MED15: variants seen among roughly 807,000 people sequenced by gnomAD.
The protein encoded by MED15 is mediator of RNA polymerase II transcription subunit 15.
In MED15, 41 loss-of-function variants were observed where a neutral mutation model predicts 118.7. That is an observed-to-expected ratio of 0.35 (90% confidence interval 0.27 to 0.45). MED15 has a LOEUF of 0.45. Among genes scored for constraint, MED15 ranks in the 20% least tolerant of loss-of-function variants. The pLI, the probability that MED15 is intolerant of heterozygous loss-of-function variation, is 1.00. For missense variants in MED15, 740 were observed against 1,025.5 expected, an observed-to-expected ratio of 0.72 and a Z score of 3.80; for synonymous variants, 436 against 413.9, an observed-to-expected ratio of 1.05 and a Z score of -0.65.
chr22:20,559,889 G>T (rs887243481), intron 5 of MED15, among the ~76,000 whole-genome samples: 6 of 152,036 alleles, frequency 3.9e-5, no homozygotes, highest in Admixed American at 3.3e-4. Flanking sequence ...TCCCTCTCAG[G>T]TGATACAAGG....
intron 1 of MED15, among the ~76,000 whole-genome samples, chr22:20,528,041 G>A (rs564990434): frequency 9.5e-4 from 144 of 151,528 alleles, no homozygotes; most frequent in African/African-American, 3.2e-3. Flanking sequence ...TTACAGGTGC[G>A]AACCACTGCA....
At chr22:20,579,980 G>T (rs139733628) in intron 9 of MED15, among the ~76,000 whole-genome samples, 2 of 151,970 alleles carry the variant, frequency 1.3e-5, no homozygotes, top group South Asian at 2.1e-4. Flanking sequence ...ATGAGTCTTT[G>T]GGGGGCTGCT....
chr22:20,538,370 C>G (rs923904722), intron 2 of MED15, among the ~76,000 whole-genome samples: 21 of 152,046 alleles, frequency 1.4e-4, no homozygotes, highest in Non-Finnish European at 2.6e-4. Context: ...CTTTCTCAGT[C>G]TTCTGAGTAG....
rs185214208 is a variant in MED15, at chr22:20,528,160, C to T, written c.69-8957C>T. Among the ~76,000 whole-genome samples, 687 of 152,130 alleles carry T rather than the reference C, an allele frequency of 4.5e-3. 8 individuals carry two copies. The highest frequency in any genetic ancestry group is 0.016 in the African/African-American group (663 of 41,488). On this transcript the variant is annotated intron_variant, in intron 1 of 17. Transcript: ENST00000263205. ...TGGCCATGTTATGGCGTCTGGCTGCCCTTGGCTGGTTGCTCACTCTGAGAG... is the reference window on the plus strand; with the variant it reads ...TGGCCATGTTATGGCGTCTGGCTGCTCTTGGCTGGTTGCTCACTCTGAGAG...
At chr22:20,531,550 G>A (rs902785010) in intron 1 of MED15, among the ~76,000 whole-genome samples, 16 of 152,172 alleles carry the variant, frequency 1.1e-4, no homozygotes, top group African/African-American at 3.1e-4. Flanking sequence ...CCCAGCACAC[G>A]CCTTCTCCCA....
chr22:20,583,434 C>T (rs1443185387), intron 13 of MED15, 41 bp downstream of exon 13: 1 of 1,606,262 alleles, frequency 6.2e-7, no homozygotes, highest in Non-Finnish European at 8.5e-7. Flanking sequence ...CACAAGGGCA[C>T]AGATAGCCCA....
chr22:20,523,357 T>A (rs1347536811), intron 1 of MED15, among the ~76,000 whole-genome samples: 2 of 151,672 alleles, frequency 1.3e-5, no homozygotes, highest in African/African-American at 4.9e-5. Context: ...TCCTTTTTTT[T>A]TAAAAAAAAA....
intron 5 of MED15, among the ~76,000 whole-genome samples, chr22:20,561,381 A>G (rs960029556): frequency 2.0e-5 from 3 of 152,050 alleles, no homozygotes; most frequent in African/African-American, 7.2e-5. Context: ...TTAGCTGGGC[A>G]TGGTGGCGCA....
chr22:20,572,935 G>C (rs2056712122), intron 8 of MED15, among the ~76,000 whole-genome samples: 2 of 150,876 alleles, frequency 1.3e-5, no homozygotes, highest in Admixed American at 1.3e-4. Context: ...CTTTAAAAAA[G>C]CAAGAAACAG....
chr22:20,564,168 T>C (rs900187049), intron 5 of MED15, among the ~76,000 whole-genome samples: 4 of 152,240 alleles, frequency 2.6e-5, no homozygotes, highest in Non-Finnish European at 4.4e-5. Flanking sequence ...AGGAGATTAC[T>C]GATTGCCAGA....
At chr22:20,517,495 C>T (rs2054295119) in intron 1 of MED15, among the ~76,000 whole-genome samples, 1 of 152,166 alleles carries the variant, frequency 6.6e-6, no homozygotes, top group Admixed American at 6.6e-5. Context: ...GGAGACTGGG[C>T]CTTCTGCTGC....
intron 16 of MED15, 76 bp downstream of exon 16, chr22:20,585,343 C>T (rs1308497240): frequency 1.9e-6 from 3 of 1,549,486 alleles, no homozygotes; most frequent in Non-Finnish European, 2.6e-6. Flanking sequence ...CCATCCAAGC[C>T]AGATGGCACA....
intron 2 of MED15, among the ~76,000 whole-genome samples, chr22:20,550,356 TTTC>T (rs2055720697): frequency 6.6e-6 from 1 of 152,208 alleles, no homozygotes. Flanking sequence ...CCCCTGGGCC[TTTC>T]TTCTTCATGT....
chr22:20,557,019 G>C (rs1245449784), intron 5 of MED15, among the ~76,000 whole-genome samples: 1 of 152,126 alleles, frequency 6.6e-6, no homozygotes, highest in Non-Finnish European at 1.5e-5. Context: ...AGGACATTTG[G>C]GTTGTTTCCT....
In MED15 at chr22:20,575,321, C is replaced by T. The variant is rs530482311; in HGVS notation, c.1272+89C>T. 2.8e-5 allele frequency: 42 copies of T among 1,476,454 alleles called. No homozygotes were observed. In the East Asian group the frequency reaches 7.2e-4, roughly 25 times the overall value. 91.5% of individuals were successfully genotyped at this position (1,476,454 alleles called of 1,614,324 possible). ...AAAGCGCACCTGTCATTATCATCGC[C>T]GGTGACTTCTTTTATGGTGGCTTTC... On this transcript the variant is annotated intron_variant, in intron 9 of 17. Coordinates refer to ENST00000263205, the MANE Select transcript of MED15 (RefSeq NM_001003891.3).
rs191939180 is a variant in MED15 at position 20,556,600 on chromosome 22, G to A, written c.451+1452G>A. Among the ~76,000 whole-genome samples, 28 of 152,122 alleles carry A rather than the reference G, an allele frequency of 1.8e-4. No homozygotes were observed. The East Asian group carries it at 4.8e-3, about 26-fold the overall frequency. On this transcript the variant is annotated intron_variant, in intron 5 of 17. Coordinates refer to ENST00000263205, the MANE Select transcript of MED15 (RefSeq NM_001003891.3). ...CAGACGTGAGCCATCACGCCCAGCCGACTTCATCAGTTTTTTTACACTCAT... is the reference window on the plus strand; with the variant it reads ...CAGACGTGAGCCATCACGCCCAGCCAACTTCATCAGTTTTTTTACACTCAT...
intron 1 of MED15, among the ~76,000 whole-genome samples, chr22:20,511,004 A>C (rs11704564): frequency 0.11 from 16,209 of 151,966 alleles, 1,243 homozygotes; most frequent in Non-Finnish European, 0.15. Flanking sequence ...TTTTCTCTCT[A>C]GGGTTCACTT....
chr22:20,554,056 G>GTCTGC (rs1426904133), intron 4 of MED15, among the ~76,000 whole-genome samples: 1 of 152,252 alleles, frequency 6.6e-6, no homozygotes, highest in Non-Finnish European at 1.5e-5. Context: ...GCACGCCACT[G>GTCTGC]TCTGCCCTGC....
chr22:20,508,389 T>G (rs1249565203), intron 1 of MED15: 1 of 1,304,224 alleles, frequency 7.7e-7, no homozygotes, highest in South Asian at 1.2e-5. Context: ...TGCTTGTTTC[T>G]GTTAGCAGTT....
Sources: gnomAD v4.1 joint callset for allele counts (sites outside exome capture counted in the v4.1 genomes callset) on GRCh38, gnomAD v4.1.1 for gene constraint, MANE v1.5 for transcripts, NCBI Gene and HGNC (gene_info 2026-07-23, HGNC 2026-07-21) for gene names.